The following SFXN5 variants were observed in gnomAD, a reference collection of about 807,000 sequenced individuals.
SFXN5 encodes sideroflexin-5.
In SFXN5, 43 loss-of-function variants were observed where a neutral mutation model predicts 50.2. The observed-to-expected ratio is 0.86, with a 90% CI of 0.67 to 1.11. SFXN5 has a LOEUF of 1.11. SFXN5 is among the 50% of genes least tolerant of loss of function. The pLI is 0.00. For missense variants in SFXN5, 463 were observed against 454.1 expected (o/e 1.02, Z -0.18); for synonymous variants, 203 against 185.8 (o/e 1.09, Z -0.75).
At chr2:73,035,043 AAAATAATG>A in intron 3 of SFXN5, among the ~76,000 whole-genome samples, 1 of 152,204 alleles carries the variant, frequency 6.6e-6, no homozygotes, top group Admixed American at 6.5e-5. Context: ...TGACCTTAGG[AAAATAATG>A]CAACCTCTCT....
chr2:73,001,499 A>G, intron 7 of SFXN5, 26 bp downstream of exon 7: 1 of 1,613,718 alleles, frequency 6.2e-7, no homozygotes, highest in African/African-American at 1.3e-5. Context: ...TTCCTTCAGG[A>G]GCCCTGTTTG....
chr2:73,058,497 A>C, intron 2 of SFXN5, 31 bp downstream of exon 2: 1 of 1,604,250 alleles, frequency 6.2e-7, no homozygotes, highest in Non-Finnish European at 8.5e-7. Flanking sequence ...ACAAAGGCCC[A>C]AGGGCCACTG....
In SFXN5 at chr2:73,026,338, C is replaced by T. The variant is rs1178639857; in HGVS notation, c.250-3124G>A. On this transcript the variant is annotated intron_variant, in intron 3 of 13. Transcript: ENST00000272433. ...TAGAGGCGGGGTTTCACCATGTTGG[C>T]CAGGCTGGTCTTGAACTCCTGGCCT... Among the ~76,000 whole-genome samples, 6 of 151,296 alleles carry T rather than the reference C, an allele frequency of 4.0e-5. No homozygotes were observed. The East Asian group carries it at 1.2e-3, about 30-fold the overall frequency.
chr2:72,963,918 G>C (rs1474385452), intron 12 of SFXN5, among the ~76,000 whole-genome samples: 1 of 152,182 alleles, frequency 6.6e-6, no homozygotes, highest in Admixed American at 6.5e-5. Context: ...GTGGTGGAGA[G>C]GGAAGGATGG....
intron 13 of SFXN5, among the ~76,000 whole-genome samples, chr2:72,959,329 C>CA (rs1389586882): frequency 1.3e-5 from 2 of 152,084 alleles, no homozygotes; most frequent in African/African-American, 2.4e-5. Context: ...CAGCCCCCCT[C>CA]ACCCCCAACC....
rs941538272 is a variant in SFXN5 at position 72,998,629 on chromosome 2, G to T, written c.534+320C>A. On this transcript the variant is annotated intron_variant, in intron 9 of 13. Coordinates refer to ENST00000272433, the MANE Select transcript of SFXN5 (RefSeq NM_144579.3). Reference sequence around the variant, plus strand: ...CCCCCACCCCGCTCGCTCCAGCCACGTTACCGAGCATGAGGAGCAGCTCTT... The same window carrying T: ...CCCCCACCCCGCTCGCTCCAGCCACTTTACCGAGCATGAGGAGCAGCTCTT... 3 of 351,372 alleles carry T rather than the reference G, an allele frequency of 8.5e-6. No homozygotes were observed. The Admixed American group carries it at 1.3e-4, about 15-fold the overall frequency. The allele number at this position is 351,372 out of a possible 1,614,324, so 21.8% of individuals were successfully genotyped here. A position where few individuals can be genotyped will look rare whatever the true frequency, so the allele number is the denominator to read the frequency against.
chr2:72,968,546 C>CA lies in SFXN5; in HGVS notation c.742-14dup. ...TCTCCAGCAGGGCCTGAGGGGCAGGCAGAAGCTGTGTGAGAGGGGCCTGAC... is the reference window on the plus strand; with the variant it reads ...TCTCCAGCAGGGCCTGAGGGGCAGGCAAGAAGCTGTGTGAGAGGGGCCTGAC... On this transcript the variant is annotated splice_polypyrimidine_tract_variant and intron_variant, in intron 11 of 13. Transcript: ENST00000272433. 6.2e-7 allele frequency: 1 copy of CA among 1,612,650 alleles called. No homozygotes were observed. The highest frequency in any genetic ancestry group is 8.5e-7 in the Non-Finnish European group (1 of 1,179,692).
chr2:73,023,736 G>A (rs532642901), intron 3 of SFXN5, among the ~76,000 whole-genome samples: 10 of 152,302 alleles, frequency 6.6e-5, no homozygotes, highest in Admixed American at 3.9e-4. Flanking sequence ...TCGTTTAAGG[G>A]GTGAATGGGA....
intron 13 of SFXN5, among the ~76,000 whole-genome samples, chr2:72,947,336 T>A (rs929390783): frequency 6.6e-6 from 1 of 152,194 alleles, no homozygotes; most frequent in Non-Finnish European, 1.5e-5. Context: ...AGACACCACA[T>A]CAGCCCCGAT....
chr2:73,037,696 A>G (rs1225679583), intron 3 of SFXN5, among the ~76,000 whole-genome samples: 1 of 152,232 alleles, frequency 6.6e-6, no homozygotes, highest in Non-Finnish European at 1.5e-5. Context: ...CAACAGCTAT[A>G]TTGGAACCCA....
At chr2:73,039,914 G>A (rs1289680904) in intron 3 of SFXN5, among the ~76,000 whole-genome samples, 4 of 152,010 alleles carry the variant, frequency 2.6e-5, no homozygotes, top group East Asian at 1.9e-4. Flanking sequence ...AGGTTCAAGC[G>A]ATTCTCCTGC....
At position 72,944,752 on chromosome 2, in the gene SFXN5, T is replaced by C; in HGVS notation, c.*270A>G. On this transcript the variant is annotated 3_prime_UTR_variant, in exon 14 of 14. Coordinates refer to ENST00000272433, the MANE Select transcript of SFXN5 (RefSeq NM_144579.3). Reference sequence around the variant, plus strand: ...CTCTACAATTTTTCAGCTTCACACATAATTGTGCTGAGTGGAGTTTTGACA... The same window carrying C: ...CTCTACAATTTTTCAGCTTCACACACAATTGTGCTGAGTGGAGTTTTGACA... 1 of 427,308 alleles carries C rather than the reference T, an allele frequency of 2.3e-6. No individual in the cohort carries two copies. The highest frequency in any genetic ancestry group is 2.0e-5 in the African/African-American group (1 of 50,102). 26.5% of individuals were successfully genotyped at this position (427,308 alleles called of 1,614,324 possible).
chr2:73,058,658 A>T, intron 1 of SFXN5, 62 bp from the exon 2 acceptor site: 30 of 1,467,276 alleles, frequency 2.0e-5, no homozygotes, highest in Non-Finnish European at 2.5e-5. Context: ...TTCTCCAGAC[A>T]CTGGAGAGCC....
rs181329251 is a variant in SFXN5, at chr2:72,960,647, C to T, written c.945+484G>A. On this transcript the variant is annotated intron_variant, in intron 13 of 13. Transcript: ENST00000272433. The surrounding 1 kb of genome is among the most constrained non-coding windows in gnomAD (Gnocchi z 6.1). ...TGGCTTCCAAGTTCCCAACACCACC[C>T]AGCCCAGCCCCTCATTCCCAGGCCA... 6.6e-5 allele frequency among the ~76,000 whole-genome samples: 10 copies of T among 152,268 alleles called. No homozygotes were observed. Among genetic ancestry groups the T allele is most frequent in the African/African-American group, 2.4e-4 (10 of 41,548 alleles).
intron 9 of SFXN5, among the ~76,000 whole-genome samples, chr2:72,994,494 G>A (rs1276764435): frequency 6.6e-6 from 1 of 152,162 alleles, no homozygotes; most frequent in Non-Finnish European, 1.5e-5. Context: ...GCCCCAACAG[G>A]GAAAGACCTC....
intron 3 of SFXN5, among the ~76,000 whole-genome samples, chr2:73,036,100 A>G (rs1356588384): frequency 6.6e-6 from 1 of 152,226 alleles, no homozygotes; most frequent in African/African-American, 2.4e-5. Flanking sequence ...GCCCAGGTGC[A>G]GGTGAGGCCA....
rs1385345228 is a variant in SFXN5 at position 73,047,237 on chromosome 2, AAAAAAAAAATATAT to A, written c.172-6320_172-6307del. Among the ~76,000 whole-genome samples the A allele has an allele frequency of 2.8e-3, 81 of 28,430 alleles. 1 individual carries two copies. The highest frequency in any genetic ancestry group is 5.7e-3 in the African/African-American group (66 of 11,484). The allele number at this position is 28,430 out of a possible 152,430, so 18.7% of individuals were successfully genotyped here. A position where few individuals can be genotyped will look rare whatever the true frequency, so the allele number is the denominator to read the frequency against. On this transcript the variant is annotated intron_variant, in intron 2 of 13. Transcript: ENST00000272433. ...CATCTCGTAAAAAAAAAAAAAAAAA[AAAAAAAAAATATAT>A]ATATATATATATATATATATATATA...
chr2:73,052,673 G>C (rs1348781384), intron 2 of SFXN5, among the ~76,000 whole-genome samples: 1 of 152,100 alleles, frequency 6.6e-6, no homozygotes, highest in African/African-American at 2.4e-5. Context: ...ACTGAATTCA[G>C]GATAGCAAAT....
chr2:72,961,118 C>T lies in SFXN5; in HGVS notation c.945+13G>A. 6.4e-7 allele frequency: 1 copy of T among 1,561,210 alleles called. No homozygotes were observed. The highest frequency in any genetic ancestry group is 1.7e-4 in the Middle Eastern group (1 of 5,926). On this transcript the variant is annotated intron_variant, in intron 13 of 13. Transcript: ENST00000272433. The surrounding 1 kb of genome is among the most constrained non-coding windows in gnomAD (Gnocchi z 4.4). Reference sequence around the variant, plus strand: ...CCCTGCCCTGCCCTGCCCTTGAGCCCCTCCCCACTGACCTCTGACATTTGC... The same window carrying T: ...CCCTGCCCTGCCCTGCCCTTGAGCCTCTCCCCACTGACCTCTGACATTTGC...
Sources: allele counts gnomAD v4.1 joint callset (sites outside exome capture counted in the v4.1 genomes callset), GRCh38; gene constraint gnomAD v4.1.1; non-coding constraint Gnocchi (gnomAD v3.1); transcripts MANE v1.5; gene names NCBI Gene and HGNC (gene_info 2026-07-23, HGNC 2026-07-21).